The following GLRA2 variants were observed in gnomAD, a reference collection of about 807,000 sequenced individuals.
The protein encoded by GLRA2 is glycine receptor subunit alpha-2.
A neutral mutation model predicts 31.6 loss-of-function variants in GLRA2; 11 were observed. The ratio of observed to expected loss-of-function variants is 0.35; its 90% CI spans 0.22 to 0.58. GLRA2 has a LOEUF of 0.58. GLRA2 is among the 20% of genes least tolerant of loss of function. The pLI is 0.84. For synonymous variants in GLRA2, 132 were observed against 134.0 expected (o/e 0.99, Z 0.10); for missense variants, 212 against 351.8 (o/e 0.60, Z 3.18).
chrX:14,598,386 T>C (rs1461351304), intron 4 of GLRA2, among the ~76,000 whole-genome samples: 2 of 112,418 alleles, frequency 1.8e-5, no homozygotes, highest in African/African-American at 6.5e-5. Context: ...TAATTCTAAG[T>C]TCCTTATGAA....
chrX:14,485,208 G>T, the GLRA2 span, among the ~76,000 whole-genome samples: 2 of 112,008 alleles, frequency 1.8e-5, no homozygotes, highest in Non-Finnish European at 3.8e-5. Flanking sequence ...TGAGTGTGAG[G>T]TTATCTCTAG....
chrX:14,557,188 T>C (rs747374627), intron 2 of GLRA2, among the ~76,000 whole-genome samples: 19 of 85,702 alleles, frequency 2.2e-4, no homozygotes, highest in African/African-American at 8.8e-4. Context: ...CGATCTCGGC[T>C]CACTGTAAGC....
chrX:14,635,256 G>A (rs775704225), intron 7 of GLRA2, among the ~76,000 whole-genome samples: 1 of 111,867 alleles, frequency 8.9e-6, no homozygotes, highest in African/African-American at 3.2e-5. Flanking sequence ...ATGTTTCACA[G>A]ACATAGTTTC....
At chrX:14,650,235 C>G (rs1480305971) in intron 7 of GLRA2, among the ~76,000 whole-genome samples, 1 of 110,781 alleles carries the variant, frequency 9.0e-6, no homozygotes, top group African/African-American at 3.3e-5. Context: ...CATTAAGCTG[C>G]TAAGTTAATT....
intron 2 of GLRA2, among the ~76,000 whole-genome samples, chrX:14,554,511 G>C (rs1027586530): frequency 1.8e-5 from 2 of 111,630 alleles, no homozygotes; most frequent in African/African-American, 6.5e-5. Flanking sequence ...GCCTTGAACA[G>C]GATTTAGGTC....
At chrX:14,608,292 A>G (rs997262366) in intron 6 of GLRA2, among the ~76,000 whole-genome samples, 34 of 111,744 alleles carry the variant, frequency 3.0e-4, no homozygotes, top group African/African-American at 1.1e-3. Context: ...ATACCTTTAT[A>G]TGAACTCCTT....
the GLRA2 span, among the ~76,000 whole-genome samples, chrX:14,523,163 A>G: frequency 8.9e-6 from 1 of 112,181 alleles, no homozygotes; most frequent in Non-Finnish European, 1.9e-5. Flanking sequence ...CTACATCAGG[A>G]CTTACTCGAG....
the GLRA2 span, among the ~76,000 whole-genome samples, chrX:14,501,824 G>GT: frequency 3.2e-4 from 35 of 109,166 alleles, no homozygotes; most frequent in East Asian, 1.4e-3. Context: ...CAATAGAAAT[G>GT]TTTTTTTTTC....
chrX:14,623,036 T>C (rs1448465208), intron 7 of GLRA2, among the ~76,000 whole-genome samples: 2 of 111,787 alleles, frequency 1.8e-5, no homozygotes, highest in African/African-American at 6.5e-5. Flanking sequence ...GAGCAGTGGT[T>C]TGTAGTTCTC....
At chrX:14,489,781 C>A in the GLRA2 span, among the ~76,000 whole-genome samples, 1 of 112,372 alleles carries the variant, frequency 8.9e-6, no homozygotes, top group Admixed American at 9.4e-5. Context: ...TCACTGCTGA[C>A]CAGTAGACAT....
intron 7 of GLRA2, among the ~76,000 whole-genome samples, chrX:14,630,192 T>A (rs985658219): frequency 8.9e-6 from 1 of 111,945 alleles, no homozygotes; most frequent in Admixed American, 9.5e-5. Context: ...ATGTTTGTTT[T>A]AAAAAGATAT....
At chrX:14,723,558 G>C (rs1208001456) in intron 8 of GLRA2, among the ~76,000 whole-genome samples, 1 of 111,640 alleles carries the variant, frequency 9.0e-6, no homozygotes, top group East Asian at 2.8e-4. Context: ...GGCTCCCCTT[G>C]GTTCTCAAAA....
chrX:14,480,995 T>C, the GLRA2 span, among the ~76,000 whole-genome samples: 1 of 111,494 alleles, frequency 9.0e-6, no homozygotes, highest in Non-Finnish European at 1.9e-5. Context: ...ATATTGATTC[T>C]TTCAATCCAT....
the GLRA2 span, among the ~76,000 whole-genome samples, chrX:14,475,375 CA>C: frequency 8.9e-6 from 1 of 112,163 alleles, no homozygotes; most frequent in Non-Finnish European, 1.9e-5. Context: ...AATTTGGGCT[CA>C]AAAATATTTA....
At chrX:14,498,262 T>C in the GLRA2 span, among the ~76,000 whole-genome samples, 1 of 110,673 alleles carries the variant, frequency 9.0e-6, no homozygotes, top group Non-Finnish European at 1.9e-5. Flanking sequence ...AGAAACCAGA[T>C]AGAAATAGAA....
At chrX:14,670,434 TGATAAA>T (rs1383548008) in intron 7 of GLRA2, among the ~76,000 whole-genome samples, 6 of 112,057 alleles carry the variant, frequency 5.4e-5, no homozygotes, top group Middle Eastern at 4.6e-3. Flanking sequence ...TTCACACTGC[TGATAAA>T]GACATATCTA....
intron 4 of GLRA2, among the ~76,000 whole-genome samples, chrX:14,601,156 C>G (rs1601753395): frequency 9.0e-6 from 1 of 111,187 alleles, no homozygotes; most frequent in African/African-American, 3.3e-5. Context: ...ATATCTATAG[C>G]TATATCTGTA....
intron 4 of GLRA2, among the ~76,000 whole-genome samples, chrX:14,590,856 A>G (rs923820400): frequency 2.7e-4 from 30 of 112,119 alleles, no homozygotes; most frequent in African/African-American, 9.1e-4. Context: ...AAGTGCTGGG[A>G]AATGCCATGG....
intron 2 of GLRA2, among the ~76,000 whole-genome samples, chrX:14,533,020 AT>A (rs2089278227): frequency 8.9e-6 from 1 of 111,748 alleles, no homozygotes; most frequent in African/African-American, 3.2e-5. Flanking sequence ...TTTGTTGAAC[AT>A]TACAAAAATA....
Sources: gnomAD v4.1 joint callset for allele counts (sites outside exome capture counted in the v4.1 genomes callset) on GRCh38, gnomAD v4.1.1 for gene constraint, MANE v1.5 for transcripts, NCBI Gene and HGNC (gene_info 2026-07-23, HGNC 2026-07-21) for gene names.